The following CTNNA3 variants were observed in gnomAD, a reference collection of about 807,000 sequenced individuals.
The protein encoded by CTNNA3 is catenin alpha-3.
In CTNNA3, 76 loss-of-function variants were observed where a neutral mutation model predicts 95.7. The observed-to-expected ratio is 0.79, with a 90% CI of 0.66 to 0.96. CTNNA3 has a LOEUF of 0.96. CTNNA3 is among the 40% of genes least tolerant of loss of function. The pLI, the probability that CTNNA3 is intolerant of heterozygous loss-of-function variation, is 0.00. For missense variants in CTNNA3, 1,191 were observed against 1,089.8 expected (o/e 1.09, Z -1.31); for synonymous variants, 431 against 374.4 (o/e 1.15, Z -1.74).
intron 16 of CTNNA3, among the ~76,000 whole-genome samples, chr10:65,972,492 T>C (rs2078124511): frequency 6.6e-6 from 1 of 152,158 alleles, no homozygotes; most frequent in Non-Finnish European, 1.5e-5. Context: ...AGTAATTTTT[T>C]AGGATACAAA....
At chr10:66,158,153 G>T (rs1736975038) in intron 13 of CTNNA3, among the ~76,000 whole-genome samples, 1 of 152,090 alleles carries the variant, frequency 6.6e-6, no homozygotes, top group Non-Finnish European at 1.5e-5. Context: ...CCGTGCAAAA[G>T]CTCTTTAGTT....
intron 15 of CTNNA3, among the ~76,000 whole-genome samples, chr10:66,010,801 A>G (rs2078991522): frequency 6.6e-6 from 1 of 152,212 alleles, no homozygotes; most frequent in Non-Finnish European, 1.5e-5. Context: ...CAGCTGTGAC[A>G]CACTGTACAA....
chr10:67,518,639 T>C (rs933652805), intron 5 of CTNNA3, among the ~76,000 whole-genome samples: 42 of 152,180 alleles, frequency 2.8e-4, no homozygotes, highest in African/African-American at 9.4e-4. Flanking sequence ...ATAATGTTAT[T>C]ATAAGTTTTA....
intron 17 of CTNNA3, among the ~76,000 whole-genome samples, chr10:65,965,697 T>G (rs921366404): frequency 1.1e-4 from 16 of 152,078 alleles, no homozygotes; most frequent in Admixed American, 2.0e-4. Flanking sequence ...AACTGGCTCC[T>G]GCCCACTACT....
intron 7 of CTNNA3, among the ~76,000 whole-genome samples, chr10:66,990,690 G>A (rs1386017269): frequency 6.6e-6 from 1 of 152,154 alleles, no homozygotes; most frequent in African/African-American, 2.4e-5. Flanking sequence ...GATAATGGAT[G>A]TTTATAGCAA....
At chr10:67,378,096 T>G (rs1843764840) in intron 5 of CTNNA3, among the ~76,000 whole-genome samples, 1 of 152,106 alleles carries the variant, frequency 6.6e-6, no homozygotes, top group Non-Finnish European at 1.5e-5. Context: ...TTCTTCCCCC[T>G]ACCCTTCTCA....
At chr10:66,838,786 C>T (rs561081777) in intron 7 of CTNNA3, among the ~76,000 whole-genome samples, 12 of 152,232 alleles carry the variant, frequency 7.9e-5, no homozygotes, top group Middle Eastern at 3.4e-3. Flanking sequence ...ACTAAGACTT[C>T]GCTGAATAAA....
chr10:67,562,097 C>G (rs551501755), intron 3 of CTNNA3, among the ~76,000 whole-genome samples: 2 of 152,212 alleles, frequency 1.3e-5, no homozygotes, highest in South Asian at 4.1e-4. Context: ...TGAAACTATT[C>G]CAATCAATAG....
intron 16 of CTNNA3, among the ~76,000 whole-genome samples, chr10:65,983,626 G>A (rs1333606201): frequency 1.3e-5 from 2 of 151,398 alleles, no homozygotes; most frequent in Non-Finnish European, 3.0e-5. Context: ...CAAGGATACT[G>A]TCTAAAGGAG....
At chr10:67,706,680 G>A (rs1589577144) in intron 1 of CTNNA3, among the ~76,000 whole-genome samples, 1 of 152,082 alleles carries the variant, frequency 6.6e-6, no homozygotes, top group Non-Finnish European at 1.5e-5. Context: ...AACTAAAAAT[G>A]GCAGGCACCC....
intron 14 of CTNNA3, among the ~76,000 whole-genome samples, chr10:66,089,024 GTTTGTC>G (rs1374987407): frequency 6.6e-6 from 1 of 151,856 alleles, no homozygotes; most frequent in Non-Finnish European, 1.5e-5. Flanking sequence ...TCAAATGGAT[GTTTGTC>G]TTTATTTTGT....
intron 1 of CTNNA3, chr10:67,750,789 G>A (rs1222230979): frequency 1.9e-6 from 3 of 1,607,550 alleles, no homozygotes; most frequent in Non-Finnish European, 2.6e-6. Context: ...AGATAGAGAG[G>A]CTCTTGAACA....
intron 7 of CTNNA3, among the ~76,000 whole-genome samples, chr10:66,817,468 G>A (rs1842134622): frequency 6.6e-6 from 1 of 151,790 alleles, no homozygotes; most frequent in African/African-American, 2.4e-5. Flanking sequence ...CCAAAATCAG[G>A]AATGAAAGCA....
intron 9 of CTNNA3, among the ~76,000 whole-genome samples, chr10:66,685,325 G>A (rs200220760): frequency 0.31 from 9,121 of 29,746 alleles, 1,010 homozygotes; most frequent in Middle Eastern, 0.41. Context: ...GTGTATGTGT[G>A]TATATATATA....
At chr10:66,331,502 C>T (rs1463505182) in intron 12 of CTNNA3, among the ~76,000 whole-genome samples, 57 of 151,002 alleles carry the variant, frequency 3.8e-4, no homozygotes, top group Admixed American at 5.3e-4. Flanking sequence ...TACAGGCGCG[C>T]ACCACCATGC....
At chr10:66,815,694 G>A (rs1044407619) in intron 7 of CTNNA3, among the ~76,000 whole-genome samples, 4 of 152,010 alleles carry the variant, frequency 2.6e-5, no homozygotes, top group African/African-American at 9.7e-5. Context: ...ATAAAAGTTT[G>A]GAAATAATAT....
chr10:67,068,852 G>A (rs1449551181), intron 7 of CTNNA3, among the ~76,000 whole-genome samples: 3 of 152,300 alleles, frequency 2.0e-5, no homozygotes, highest in South Asian at 4.1e-4. Flanking sequence ...CTGAGGTCAG[G>A]AGTTCAAGAC....
intron 10 of CTNNA3, among the ~76,000 whole-genome samples, chr10:66,619,571 G>T (rs1344881401): frequency 1.2e-5 from 1 of 81,394 alleles, no homozygotes; most frequent in Non-Finnish European, 2.4e-5. Context: ...GTAGGGTGGG[G>T]GGAGGGGGGA....
chr10:66,651,648 G>GTGCC (rs199906372), intron 9 of CTNNA3, among the ~76,000 whole-genome samples: 1 of 19,954 alleles, frequency 5.0e-5, no homozygotes, highest in Non-Finnish European at 8.2e-5. Context: ...TTCCAGCGCA[G>GTGCC]TGCCCGCCGG....
Sources: allele counts gnomAD v4.1 joint callset (sites outside exome capture counted in the v4.1 genomes callset), GRCh38; gene constraint gnomAD v4.1.1; transcripts MANE v1.5; gene names NCBI Gene and HGNC (gene_info 2026-07-23, HGNC 2026-07-21).